TXNDC8: variants seen among roughly 807,000 people sequenced by gnomAD.
TXNDC8 encodes the protein thioredoxin domain containing 8.
TXNDC8 carries 15 observed loss-of-function variants against 12.9 expected under a neutral mutation model. That is an observed-to-expected ratio of 1.16 (90% confidence interval 0.78 to 1.79). The LOEUF (loss-of-function observed/expected upper bound fraction) is 1.79. TXNDC8 is among the 40% of genes most tolerant of loss of function. TXNDC8 has a pLI of 0.00. For missense variants in TXNDC8, 128 were observed against 113.2 expected, an observed-to-expected ratio of 1.13 and a Z score of -0.59; for synonymous variants, 40 against 35.4, an observed-to-expected ratio of 1.13 and a Z score of -0.46.
chr9:110,304,410 T>C, intron 4 of TXNDC8, 57 bp downstream of exon 5: 2 of 1,494,536 alleles, frequency 1.3e-6, no homozygotes, highest in Non-Finnish European at 1.9e-6. Flanking sequence ...TCATTATATT[T>C]ATTCCTTCAA....
At chr9:110,317,987 A>T (rs1414156187) in intron 3 of TXNDC8, among the ~76,000 whole-genome samples, 1 of 152,222 alleles carries the variant, frequency 6.6e-6, no homozygotes, top group Non-Finnish European at 1.5e-5. Flanking sequence ...CTTTGCATAC[A>T]CATCAATATT....
At position 110,311,678 on chromosome 9, in the gene TXNDC8, T is replaced by TTATATA. The variant is rs368580581; in HGVS notation, c.196-7152_196-7147dup. 3.2e-3 allele frequency among the ~76,000 whole-genome samples: 371 copies of TTATATA among 115,838 alleles called. 4 individuals are homozygous for TTATATA. The highest frequency in any genetic ancestry group is 0.01 in the African/African-American group (289 of 27,846). 76.0% of individuals were successfully genotyped at this position (115,838 alleles called of 152,430 possible). ...ATGGATATAGTAATATAGTATATCCTTATATATATATATATATACATGGAT... is the reference window on the plus strand; with the variant it reads ...ATGGATATAGTAATATAGTATATCCTTATATATATATATATATATATATACATGGAT... On this transcript the variant is annotated intron_variant, in intron 3 of 4. Coordinates refer to ENST00000423740, the MANE Select transcript of TXNDC8 (RefSeq NM_001286946.2).
chr9:110,326,693 A>G (rs1185469628), intron 2 of TXNDC8, among the ~76,000 whole-genome samples: 1 of 152,222 alleles, frequency 6.6e-6, no homozygotes, highest in Non-Finnish European at 1.5e-5. Flanking sequence ...AGTAAGGCTT[A>G]TACATGTCTT....
intron 2 of TXNDC8, among the ~76,000 whole-genome samples, chr9:110,328,648 A>G (rs949877243): frequency 6.6e-6 from 1 of 152,136 alleles, no homozygotes; most frequent in Non-Finnish European, 1.5e-5. Flanking sequence ...CTCTAATAAA[A>G]ATACAAAATT....
In TXNDC8 at chr9:110,303,577, C is replaced by A. The variant is rs751967790; in HGVS notation, c.*105G>T. On this transcript the variant is annotated 3_prime_UTR_variant, in exon 5 of 5. Transcript: ENST00000423740. ...TTTTTAGCATCGGCTCCACAAAACTCAAAAATCTGTTCACAAATGCACAAA... is the reference window on the plus strand; with the variant it reads ...TTTTTAGCATCGGCTCCACAAAACTAAAAAATCTGTTCACAAATGCACAAA... 6.1e-5 allele frequency: 94 copies of A among 1,543,316 alleles called. No individual in the cohort carries two copies. The Admixed American group carries it at 1.8e-3, about 29-fold the overall frequency.
At chr9:110,335,662 G>A (rs1839723434) in intron 1 of TXNDC8, among the ~76,000 whole-genome samples, 1 of 152,166 alleles carries the variant, frequency 6.6e-6, no homozygotes, top group South Asian at 2.1e-4. Context: ...TAGGCAGCCT[G>A]ACTCCAGTTC....
intron 2 of TXNDC8, among the ~76,000 whole-genome samples, chr9:110,326,975 C>T (rs1385470804): frequency 2.0e-5 from 3 of 151,334 alleles, no homozygotes; most frequent in Admixed American, 6.6e-5. Context: ...CACACACACA[C>T]GTGAAGACAT....
At chr9:110,310,501 C>A (rs74925823) in intron 3 of TXNDC8, among the ~76,000 whole-genome samples, 2 of 151,980 alleles carry the variant, frequency 1.3e-5, no homozygotes, top group African/African-American at 2.4e-5. Context: ...GTACTTCTAC[C>A]GGCATGCCTA....
intron 3 of TXNDC8, among the ~76,000 whole-genome samples, chr9:110,314,445 T>C (rs980700452): frequency 3.3e-5 from 5 of 149,356 alleles, no homozygotes; most frequent in African/African-American, 4.9e-5. Flanking sequence ...TTTCTTTTTT[T>C]TTTTTGAGAT....
At chr9:110,323,910 C>T in intron 3 of TXNDC8, 1 of 1,550,966 alleles carries the variant, frequency 6.4e-7, no homozygotes, top group Non-Finnish European at 8.7e-7. Flanking sequence ...GAAATTAGCT[C>T]TGGTTTGACT....
At chr9:110,332,780 T>C (rs1163222839) in intron 2 of TXNDC8, among the ~76,000 whole-genome samples, 1 of 152,212 alleles carries the variant, frequency 6.6e-6, no homozygotes, top group Non-Finnish European at 1.5e-5. Context: ...TATTAAAAGA[T>C]TCATTTGGAG....
Position 110,324,054 on chromosome 9 carries a change from A to T in TXNDC8, c.195+2121T>A, listed in dbSNP as rs1285695450. 2.6e-6 allele frequency: 4 copies of T among 1,537,416 alleles called. No homozygotes were observed. In the African/African-American group the frequency reaches 4.1e-5, roughly 16 times the overall value. ...AAAAGGGAGTGGTTCCTTGGAGGAA[A>T]ATCAGAGTACTATTAATAGAGAATG... On this transcript the variant is annotated intron_variant, in intron 3 of 4. Coordinates refer to ENST00000423740, the MANE Select transcript of TXNDC8 (RefSeq NM_001286946.2).
intron 3 of TXNDC8, among the ~76,000 whole-genome samples, chr9:110,311,966 G>A (rs912216378): frequency 8.0e-5 from 12 of 150,180 alleles, no homozygotes; most frequent in South Asian, 2.1e-4. Context: ...TCTGCTTGCC[G>A]CAACCTCCAC....
chr9:110,301,802 T>C (rs928487056), downstream of TXNDC8, among the ~76,000 whole-genome samples: 3 of 152,204 alleles, frequency 2.0e-5, no homozygotes, highest in Non-Finnish European at 2.9e-5. Flanking sequence ...TCTAATCTCA[T>C]GTGAAGGCTG....
intron 3 of TXNDC8, among the ~76,000 whole-genome samples, chr9:110,312,543 G>A (rs1200986521): frequency 6.6e-6 from 1 of 152,184 alleles, no homozygotes; most frequent in Non-Finnish European, 1.5e-5. Flanking sequence ...ACCTCAAGAG[G>A]AGAGGAATTC....
Position 110,307,980 on chromosome 9 carries a change from GA to G in TXNDC8, c.196-3449del, listed in dbSNP as rs112419512. On this transcript the variant is annotated intron_variant, in intron 3 of 4. Coordinates refer to ENST00000423740, the MANE Select transcript of TXNDC8 (RefSeq NM_001286946.2). ...GCAAAATAAACTTTCTAAATTAACTGAAACCTATCTCAGGTGTTTGGGGTTC... is the reference window on the plus strand; with the variant it reads ...GCAAAATAAACTTTCTAAATTAACTGAACCTATCTCAGGTGTTTGGGGTTC... Among the ~76,000 whole-genome samples the G allele has an allele frequency of 4.6e-3, 698 of 152,306 alleles. 8 individuals carry two copies. Among genetic ancestry groups the G allele is most frequent in the African/African-American group, 0.016 (661 of 41,580 alleles).
At chr9:110,311,257 A>G (rs1231799186) in intron 3 of TXNDC8, among the ~76,000 whole-genome samples, 1 of 152,076 alleles carries the variant, frequency 6.6e-6, no homozygotes, top group African/African-American at 2.4e-5. Flanking sequence ...AGGTAAATAC[A>G]ACGGGGAAAA....
chr9:110,315,103 G>T (rs1838834021), intron 3 of TXNDC8, among the ~76,000 whole-genome samples: 1 of 151,848 alleles, frequency 6.6e-6, no homozygotes, highest in South Asian at 2.1e-4. Context: ...TCCAGAGGCA[G>T]GTTTTTTTTT....
chr9:110,322,796 G>A (rs1275364772), intron 3 of TXNDC8: 5 of 985,286 alleles, frequency 5.1e-6, no homozygotes, highest in Non-Finnish European at 6.0e-6. Flanking sequence ...TGGGATGCAG[G>A]GAAAAAACAG....
Sources: gnomAD v4.1 joint callset for allele counts (sites outside exome capture counted in the v4.1 genomes callset) on GRCh38, gnomAD v4.1.1 for gene constraint, MANE v1.5 for transcripts, NCBI Gene and HGNC (gene_info 2026-07-23, HGNC 2026-07-21) for gene names.